Variants in ROBO2 observed in about 807,000 individuals in gnomAD.
ROBO2 encodes roundabout guidance receptor 2, also known as roundabout homolog 2.
Under a neutral mutation model 160.8 loss-of-function variants are expected in ROBO2, and 53 were observed. The observed-to-expected ratio is 0.33, with a 90% CI of 0.26 to 0.41. The LOEUF is 0.41. Ranked by LOEUF, ROBO2 falls within the 10% of genes least tolerant of loss-of-function variation. The probability of loss-of-function intolerance (pLI) is 1.00; values close to 1 mark genes in which losing one functional copy is unlikely to be tolerated. For synonymous variants in ROBO2, 664 were observed against 611.7 expected, an observed-to-expected ratio of 1.09 and a Z score of -1.26; for missense variants, 1,577 against 1,722.4, an observed-to-expected ratio of 0.92 and a Z score of 1.49.
rs112632667 is a variant in ROBO2, at chr3:76,488,767, C to A, written c.109+551165C>A. On this transcript the variant is annotated intron_variant, in intron 2 of 26. Transcript: ENST00000487694. ...GGGTCTAGGATAAAGGACACACACA[C>A]AAAAAAGGGTGTGTCAGGAATTTGC... Among the ~76,000 whole-genome samples the A allele has an allele frequency of 4.4e-3, 660 of 151,682 alleles. 1 individual carries two copies. Among genetic ancestry groups the A allele is most frequent in the Admixed American group, 8.7e-3 (133 of 15,264 alleles).
intron 2 of ROBO2, among the ~76,000 whole-genome samples, chr3:77,007,544 AC>A (rs775974197): frequency 6.6e-6 from 1 of 152,116 alleles, no homozygotes; most frequent in Non-Finnish European, 1.5e-5. Context: ...TACTTTTTAA[AC>A]AAAGTGGGAC....
chr3:76,298,969 T>A (rs1340215437), intron 2 of ROBO2, among the ~76,000 whole-genome samples: 1 of 152,204 alleles, frequency 6.6e-6, no homozygotes, highest in Non-Finnish European at 1.5e-5. Context: ...GATGTTATTC[T>A]CTTCTAAATA....
intron 2 of ROBO2, among the ~76,000 whole-genome samples, chr3:77,211,730 C>T (rs9682036): frequency 0.2 from 30,129 of 152,126 alleles, 3,390 homozygotes; most frequent in Middle Eastern, 0.32. Flanking sequence ...AGTCTTTAAT[C>T]CCTCTTGAAT....
intron 2 of ROBO2, among the ~76,000 whole-genome samples, chr3:76,469,863 C>T (rs1417056640): frequency 6.6e-6 from 1 of 152,084 alleles, no homozygotes; most frequent in East Asian, 1.9e-4. Context: ...CTGTAAGAAC[C>T]AAGAGATCCA....
chr3:76,951,384 C>G (rs1192659267), intron 2 of ROBO2, among the ~76,000 whole-genome samples: 1 of 152,142 alleles, frequency 6.6e-6, no homozygotes, highest in Non-Finnish European at 1.5e-5. Flanking sequence ...CTCACTCATC[C>G]CATTCCAATA....
At chr3:76,940,063 G>A (rs1468344628) in intron 2 of ROBO2, among the ~76,000 whole-genome samples, 5 of 142,638 alleles carry the variant, frequency 3.5e-5, no homozygotes, top group Non-Finnish European at 7.5e-5. Flanking sequence ...CTCACTGCAA[G>A]CTCCGCCTCC....
At chr3:77,446,097 A>G (rs956962834) in intron 2 of ROBO2, among the ~76,000 whole-genome samples, 1 of 152,052 alleles carries the variant, frequency 6.6e-6, no homozygotes, top group Non-Finnish European at 1.5e-5. Flanking sequence ...AAATCATTGA[A>G]TTATTTGCTA....
At chr3:77,001,864 T>C (rs573336137) in intron 2 of ROBO2, among the ~76,000 whole-genome samples, 2 of 152,324 alleles carry the variant, frequency 1.3e-5, no homozygotes, top group South Asian at 4.1e-4. Flanking sequence ...CTGCTTAGAA[T>C]GTGAGCTGAT....
At chr3:77,573,020 C>T (rs953059509) in intron 13 of ROBO2, among the ~76,000 whole-genome samples, 4 of 151,760 alleles carry the variant, frequency 2.6e-5, no homozygotes, top group Admixed American at 2.6e-4. Context: ...TTTTTATTTC[C>T]TCTTTCTCTA....
intron 2 of ROBO2, among the ~76,000 whole-genome samples, chr3:76,160,434 G>A (rs191889972): frequency 7.3e-6 from 1 of 137,566 alleles, no homozygotes; most frequent in East Asian, 2.1e-4. Flanking sequence ...TATGATGTTG[G>A]CAATTGTTTT....
chr3:76,431,019 A>G (rs2076413427), intron 2 of ROBO2, among the ~76,000 whole-genome samples: 2 of 152,118 alleles, frequency 1.3e-5, no homozygotes, highest in South Asian at 4.1e-4. Context: ...CATGAAGTCA[A>G]CAGTACAACT....
rs189127576 is a variant in ROBO2, at chr3:77,104,294, T to G, written c.388+5954T>G. On this transcript the variant is annotated intron_variant, in intron 2 of 25. Coordinates refer to ENST00000461745, the Ensembl canonical transcript of ROBO2. ...TATACATTTTCCTATTCTGGACATT[T>G]CATATGTTAGAATCATACAATATAT... is the stretch of plus-strand genomic sequence containing the variant. Among the ~76,000 whole-genome samples the G allele has an allele frequency of 3.3e-5, 5 of 152,310 alleles. No individual in the cohort carries two copies. In the East Asian group the frequency reaches 5.8e-4, roughly 18 times the overall value.
chr3:76,850,274 T>G (rs2148529495), intron 2 of ROBO2, among the ~76,000 whole-genome samples: 1 of 152,328 alleles, frequency 6.6e-6, no homozygotes, highest in Admixed American at 6.5e-5. Context: ...TCTCTTAGAC[T>G]ATGTAACTTT....
At chr3:77,567,443 C>A (rs547006436) in intron 12 of ROBO2, among the ~76,000 whole-genome samples, 108 of 151,838 alleles carry the variant, frequency 7.1e-4, no homozygotes, top group Non-Finnish European at 1.3e-3. Context: ...ATGGACACAG[C>A]CTATAATTTA....
chr3:77,439,622 A>G (rs1355596504), intron 2 of ROBO2, among the ~76,000 whole-genome samples: 1 of 152,094 alleles, frequency 6.6e-6, no homozygotes, highest in Non-Finnish European at 1.5e-5. Flanking sequence ...TCCTTGTATT[A>G]ATGCATTTCA....
Position 76,851,720 on chromosome 3 carries a change from C to T in ROBO2, c.110-246294C>T, listed in dbSNP as rs1312556393. On this transcript the variant is annotated intron_variant, in intron 2 of 26. Transcript: ENST00000487694. ...ACTGCAGTCCGCAGTCCGAGGTGGG[C>T]GACAGAGCGAGACTCCGTCTCAAAA... Among the ~76,000 whole-genome samples, 23 of 110,424 alleles carry T rather than the reference C, an allele frequency of 2.1e-4. No individual in the cohort carries two copies. The Admixed American group carries it at 2.1e-3, about 10-fold the overall frequency. The allele number at this position is 110,424 out of a possible 152,430, so 72.4% of individuals were successfully genotyped here.
At chr3:76,751,834 A>G (rs575130469) in intron 2 of ROBO2, among the ~76,000 whole-genome samples, 2 of 152,264 alleles carry the variant, frequency 1.3e-5, no homozygotes, top group Non-Finnish European at 2.9e-5. Context: ...ACACTTTTAC[A>G]CTGTTGGCGG....
At chr3:77,137,064 G>A (rs2076338382) in intron 2 of ROBO2, among the ~76,000 whole-genome samples, 1 of 152,202 alleles carries the variant, frequency 6.6e-6, no homozygotes, top group African/African-American at 2.4e-5. Flanking sequence ...GATTGCGGGT[G>A]TGAGCCTCTG....
chr3:77,539,051 G>C (rs570411686), intron 6 of ROBO2, among the ~76,000 whole-genome samples: 1 of 152,174 alleles, frequency 6.6e-6, no homozygotes, highest in South Asian at 2.1e-4. Context: ...CTGAGGAGCC[G>C]GGATTACAGG....
Sources: gnomAD v4.1 joint callset for allele counts (sites outside exome capture counted in the v4.1 genomes callset) on GRCh38, gnomAD v4.1.1 for gene constraint, MANE v1.5 for transcripts, NCBI Gene and HGNC (gene_info 2026-07-23, HGNC 2026-07-21) for gene names.